MYLIP: variants seen among roughly 807,000 people sequenced by gnomAD.
The protein encoded by MYLIP is myosin regulatory light chain interacting protein.
In MYLIP, 26 loss-of-function variants were observed where a neutral mutation model predicts 45.8. The observed-to-expected ratio is 0.57, with a 90% CI of 0.42 to 0.79. MYLIP has a LOEUF of 0.79. Ranked by LOEUF, MYLIP falls within the 30% of genes least tolerant of loss-of-function variation. MYLIP has a pLI of 0.00. For missense variants in MYLIP, 494 were observed against 555.6 expected (o/e 0.89, Z 1.11); for synonymous variants, 213 against 218.1 (o/e 0.98, Z 0.21).
intron 5 of MYLIP, 128 bp from the exon 6 acceptor site, chr6:16,144,769 A>G (rs1053212110): frequency 1.7e-5 from 17 of 1,026,650 alleles, no homozygotes; most frequent in Non-Finnish European, 2.1e-5. Flanking sequence ...AACTGGAAGG[A>G]CTTACTTTCA....
chr6:16,138,069 A>C (rs1759591265), intron 2 of MYLIP, among the ~76,000 whole-genome samples: 2 of 152,212 alleles, frequency 1.3e-5, no homozygotes, highest in Non-Finnish European at 2.9e-5. Flanking sequence ...GTATAACCCG[A>C]AGAATGTTTA....
At position 16,130,719 on chromosome 6, in the gene MYLIP, C is replaced by G. The variant is rs747073422; in HGVS notation, c.250C>G (p.Pro84Ala). Residue 84 changes from proline to alanine, a missense_variant, in exon 2 of 7, where the codon CCT becomes GCT. Pro to Ala is a conservative substitution (Grantham distance 27). Transcript: ENST00000356840. ...ACTTAGAGTCAAGTTCTTCGTGGAGCCTCATCTCATCTTACAGGAGCAGAC... is the reference window on the plus strand; with the variant it reads ...ACTTAGAGTCAAGTTCTTCGTGGAGGCTCATCTCATCTTACAGGAGCAGAC... ...LKLRVKFFVE[P>A]HLILQEQTRH... is the part of the protein sequence containing the mutation. 1.2e-6 allele frequency: 2 copies of G among 1,614,028 alleles called. No individual in the cohort carries two copies. Among genetic ancestry groups the G allele is most frequent in the Non-Finnish European group, 1.7e-6 (2 of 1,179,998 alleles).
Position 16,145,198 on chromosome 6 carries a change from A to G in MYLIP, c.1129A>G (p.Lys377Glu). The G allele has an allele frequency of 6.2e-7, 1 of 1,614,150 alleles. No homozygotes were observed. Among genetic ancestry groups the G allele is most frequent in the Non-Finnish European group, 8.5e-7 (1 of 1,180,022 alleles). Residue 377 changes from lysine (K) to glutamate (E), a missense_variant, in exon 6 of 7, where the codon AAG (lysine) becomes GAG (glutamate). Transcript: ENST00000356840. ...CCAGCAGACCCGGGTGCTGCAGGAG[A>G]AGCTACGCAAGCTGAAGGAAGCCAT... ...SCQQTRVLQE[K>E]LRKLKEAMLC...
the MYLIP span, among the ~76,000 whole-genome samples, chr6:16,157,543 A>G: frequency 6.6e-6 from 1 of 152,256 alleles, no homozygotes; most frequent in South Asian, 2.1e-4. Flanking sequence ...TAAAGGCTCA[A>G]TAGATGAATG....
chr6:16,142,418 CA>C (rs1166837348), intron 3 of MYLIP, among the ~76,000 whole-genome samples: 14 of 152,212 alleles, frequency 9.2e-5, no homozygotes, highest in Admixed American at 8.5e-4. Context: ...GGAGATCTAA[CA>C]TAGGCATTTT....
chr6:16,148,976 T>G (rs139922011), downstream of MYLIP, among the ~76,000 whole-genome samples: 653 of 152,338 alleles, frequency 4.3e-3, 8 homozygotes, highest in African/African-American at 0.015. Flanking sequence ...ACCTATAACC[T>G]AAGTCAATCT....
Position 16,129,105 on chromosome 6 carries a change from G to C in MYLIP, c.-218G>C, listed in dbSNP as rs1425362540. On this transcript the variant is annotated 5_prime_UTR_variant, in exon 1 of 7. Coordinates refer to ENST00000356840, the MANE Select transcript of MYLIP (RefSeq NM_013262.4). The surrounding 1 kb of genome is among the most constrained non-coding windows in gnomAD (Gnocchi z 5.1). ...GCAGGCAGTTGGGCTGCTGGAGTGCGGCGCCACCGCGGAGGACAGGGGCAG... is the reference window on the plus strand; with the variant it reads ...GCAGGCAGTTGGGCTGCTGGAGTGCCGCGCCACCGCGGAGGACAGGGGCAG... 1.8e-6 allele frequency: 1 copy of C among 554,412 alleles called. No individual in the cohort carries two copies. Among genetic ancestry groups the C allele is most frequent in the Non-Finnish European group, 3.2e-6 (1 of 313,780 alleles). The allele number at this position is 554,412 out of a possible 1,614,324, so 34.3% of individuals were successfully genotyped here.
intron 1 of MYLIP, among the ~76,000 whole-genome samples, 156 bp from the exon 2 acceptor site, chr6:16,130,401 T>C (rs1345585165): frequency 2.0e-5 from 3 of 152,220 alleles, no homozygotes; most frequent in African/African-American, 4.8e-5. Context: ...TTTGGTATCA[T>C]TGGAGCCGTG....
intron 4 of MYLIP, 77 bp downstream of exon 4, chr6:16,143,294 G>A (rs1185809849): frequency 7.1e-7 from 1 of 1,409,684 alleles, no homozygotes; most frequent in African/African-American, 1.4e-5. Flanking sequence ...AAAATAGGAA[G>A]GGATTTACTC....
At chr6:16,144,862 T>C (rs1203052050) in intron 5 of MYLIP, 35 bp from the exon 6 acceptor site, 2 of 1,579,698 alleles carry the variant, frequency 1.3e-6, no homozygotes, top group Admixed American at 1.8e-5. Flanking sequence ...CCAGGCTCTT[T>C]GGTGTTAAAG....
intron 2 of MYLIP, among the ~76,000 whole-genome samples, chr6:16,134,007 G>T (rs1358257824): frequency 6.6e-6 from 1 of 152,102 alleles, no homozygotes; most frequent in Non-Finnish European, 1.5e-5. Flanking sequence ...CTACCTTTCT[G>T]ACCTCAGCCC....
intron 3 of MYLIP, 79 bp from the exon 4 acceptor site, chr6:16,142,941 C>A: frequency 7.3e-7 from 1 of 1,375,560 alleles, no homozygotes; most frequent in Non-Finnish European, 1.0e-6. Context: ...TAGTATATTT[C>A]ACTCGTGAAG....
At chr6:16,162,565 G>A in the MYLIP span, among the ~76,000 whole-genome samples, 1 of 152,068 alleles carries the variant, frequency 6.6e-6, no homozygotes, top group East Asian at 1.9e-4. Context: ...TGTAAAACAT[G>A]CAGCAGCAGA....
At chr6:16,132,127 A>G (rs1224649697) in intron 2 of MYLIP, among the ~76,000 whole-genome samples, 2 of 152,224 alleles carry the variant, frequency 1.3e-5, no homozygotes, top group Non-Finnish European at 2.9e-5. Context: ...CAAGATCTCT[A>G]GATGCAACCC....
intron 5 of MYLIP, 35 bp downstream of exon 5, chr6:16,143,898 A>G (rs760153641): frequency 6.3e-7 from 1 of 1,591,382 alleles, no homozygotes; most frequent in African/African-American, 1.4e-5. Context: ...CCTCAGCACC[A>G]CAGCTCTCAG....
chr6:16,146,610 C>T (rs906936360), intron 6 of MYLIP, 52 bp from the exon 7 acceptor site: 3 of 1,437,610 alleles, frequency 2.1e-6, no homozygotes, highest in African/African-American at 2.8e-5. Flanking sequence ...GAGACACAGG[C>T]CCCCCACCGA....
At chr6:16,138,110 T>A (rs889508743) in intron 2 of MYLIP, among the ~76,000 whole-genome samples, 3 of 152,224 alleles carry the variant, frequency 2.0e-5, no homozygotes, top group Admixed American at 6.5e-5. Context: ...TTTATGCTCA[T>A]AGGATGTATT....
At chr6:16,155,019 G>T in the MYLIP span, among the ~76,000 whole-genome samples, 1 of 152,138 alleles carries the variant, frequency 6.6e-6, no homozygotes, top group Non-Finnish European at 1.5e-5. Flanking sequence ...CTCCTGGCAA[G>T]CCTTCACAGT....
At chr6:16,153,280 G>A in the MYLIP span, among the ~76,000 whole-genome samples, 1 of 152,094 alleles carries the variant, frequency 6.6e-6, no homozygotes, top group African/African-American at 2.4e-5. Context: ...TGAAGAAAAC[G>A]GTAGGATAAA....
Sources: allele counts gnomAD v4.1 joint callset (sites outside exome capture counted in the v4.1 genomes callset), GRCh38; gene constraint gnomAD v4.1.1; non-coding constraint Gnocchi (gnomAD v3.1); transcripts MANE v1.5; gene names NCBI Gene and HGNC (gene_info 2026-07-23, HGNC 2026-07-21).